The following TCF7L1 variants were observed in gnomAD, a reference collection of about 807,000 sequenced individuals.
TCF7L1 encodes transcription factor 7-like 1.
A neutral mutation model predicts 63.7 loss-of-function variants in TCF7L1; 18 were observed. The observed-to-expected ratio is 0.28, with a 90% CI of 0.20 to 0.42. The LOEUF (loss-of-function observed/expected upper bound fraction) is 0.42. TCF7L1 is among the 10% of genes least tolerant of loss of function. TCF7L1 has a pLI of 1.00. For synonymous variants in TCF7L1, 355 were observed against 340.9 expected (o/e 1.04, Z -0.46); for missense variants, 654 against 779.3 (o/e 0.84, Z 1.91).
At chr2:85,251,214 A>G (rs866808894) in intron 3 of TCF7L1, among the ~76,000 whole-genome samples, 61 of 152,342 alleles carry the variant, frequency 4.0e-4, no homozygotes, top group African/African-American at 1.4e-3. Flanking sequence ...AAATTAACCA[A>G]TTTATCTTGC....
chr2:85,189,056 A>G (rs1678991608), intron 3 of TCF7L1, among the ~76,000 whole-genome samples: 1 of 152,208 alleles, frequency 6.6e-6, no homozygotes, highest in Non-Finnish European at 1.5e-5. Context: ...CCTGACTGTG[A>G]ACTTAAAATA....
intron 3 of TCF7L1, among the ~76,000 whole-genome samples, chr2:85,164,642 C>T (rs1678373765): frequency 6.6e-6 from 1 of 152,176 alleles, no homozygotes; most frequent in Non-Finnish European, 1.5e-5. Context: ...AAAGAAATTA[C>T]ATTTTATTTT....
chr2:85,247,788 A>G (rs1325127184), intron 3 of TCF7L1, among the ~76,000 whole-genome samples: 1 of 152,176 alleles, frequency 6.6e-6, no homozygotes, highest in East Asian at 1.9e-4. Flanking sequence ...CTCTGCCTGC[A>G]TACTTATATA....
intron 3 of TCF7L1, among the ~76,000 whole-genome samples, chr2:85,168,998 C>T (rs1574088363): frequency 6.6e-6 from 1 of 152,146 alleles, no homozygotes; most frequent in East Asian, 1.9e-4. Context: ...AATCTGAGAA[C>T]CTCCTGCCTC....
rs554424149 is a variant in TCF7L1 at position 85,241,086 on chromosome 2, A to G, written c.442-42409A>G. Reference sequence around the variant, plus strand: ...TTAGATTCTGCAAAATCAGGAAATCAGAAAGTACAAGTTCTCAGAGTTAGT... The same window carrying G: ...TTAGATTCTGCAAAATCAGGAAATCGGAAAGTACAAGTTCTCAGAGTTAGT... On this transcript the variant is annotated intron_variant, in intron 3 of 11. Coordinates refer to ENST00000282111, the MANE Select transcript of TCF7L1 (RefSeq NM_031283.3). Among the ~76,000 whole-genome samples, 4 of 152,358 alleles carry G rather than the reference A, an allele frequency of 2.6e-5. No individual in the cohort carries two copies. The South Asian group carries it at 8.3e-4, about 32-fold the overall frequency.
intron 4 of TCF7L1, among the ~76,000 whole-genome samples, chr2:85,284,589 C>A (rs1681498625): frequency 6.6e-6 from 1 of 152,124 alleles, no homozygotes; most frequent in Non-Finnish European, 1.5e-5. Context: ...GTGCTTGGGT[C>A]AACACTTGCC....
rs564472029 is a variant in TCF7L1 at position 85,279,729 on chromosome 2, C to A, written c.442-3766C>A. Among the ~76,000 whole-genome samples, 9 of 152,316 alleles carry A rather than the reference C, an allele frequency of 5.9e-5. No homozygotes were observed. In the East Asian group the frequency reaches 1.7e-3, roughly 29 times the overall value. ...AAAGGGAAAGTCACGATCCTCCACA[C>A]TCCTGCCTCCCAGAGTGAGTCCCTC... On this transcript the variant is annotated intron_variant, in intron 3 of 11. Transcript: ENST00000282111.
chr2:85,257,440 C>A (rs1056294382), intron 3 of TCF7L1, among the ~76,000 whole-genome samples: 1 of 152,214 alleles, frequency 6.6e-6, no homozygotes, highest in Non-Finnish European at 1.5e-5. Flanking sequence ...GCTCCCACAC[C>A]GCTGTTTGGA....
intron 8 of TCF7L1, among the ~76,000 whole-genome samples, chr2:85,305,999 A>G (rs545933217): frequency 1.3e-5 from 2 of 152,278 alleles, no homozygotes; most frequent in Middle Eastern, 3.4e-3. Flanking sequence ...TAGATTTTCA[A>G]AGAATCTGGC....
intron 4 of TCF7L1, among the ~76,000 whole-genome samples, chr2:85,289,778 T>C (rs1382619341): frequency 6.6e-6 from 1 of 151,620 alleles, no homozygotes; most frequent in African/African-American, 2.4e-5. Flanking sequence ...TTCAAGAGAT[T>C]CTCCTGCCTC....
chr2:85,231,683 G>A (rs1249953027), intron 3 of TCF7L1, among the ~76,000 whole-genome samples: 1 of 152,036 alleles, frequency 6.6e-6, no homozygotes, highest in African/African-American at 2.4e-5. Flanking sequence ...TTGTAAAATC[G>A]ACTCCCCCAA....
chr2:85,139,543 T>C (rs1405110924), intron 3 of TCF7L1, among the ~76,000 whole-genome samples: 1 of 152,224 alleles, frequency 6.6e-6, no homozygotes, highest in East Asian at 1.9e-4. Context: ...AAAAATTACT[T>C]CCTGGGTGAT....
At chr2:85,174,884 T>C (rs574167293) in intron 3 of TCF7L1, among the ~76,000 whole-genome samples, 16 of 152,322 alleles carry the variant, frequency 1.1e-4, no homozygotes, top group African/African-American at 3.4e-4. Flanking sequence ...CCTTTCTTCC[T>C]CCGGACCTCA....
At position 85,144,705 on chromosome 2, in the gene TCF7L1, T is replaced by TTCTC. The variant is rs59431131; in HGVS notation, c.441+10267_441+10270dup. On this transcript the variant is annotated intron_variant, in intron 3 of 11. Coordinates refer to ENST00000282111, the MANE Select transcript of TCF7L1 (RefSeq NM_031283.3). Reference sequence around the variant, plus strand: ...TATTTGTCTTCTTTCCCATCCCCCTTTCTCTCTCTCTCTCTGTGTGTGTGT... The same window carrying TTCTC: ...TATTTGTCTTCTTTCCCATCCCCCTTTCTCTCTCTCTCTCTCTCTGTGTGTGTGT... Among the ~76,000 whole-genome samples the TTCTC allele has an allele frequency of 7.5e-3, 1,089 of 146,094 alleles. 5 individuals carry two copies. Among genetic ancestry groups the TTCTC allele is most frequent in the African/African-American group, 0.017 (666 of 39,284 alleles).
intron 3 of TCF7L1, among the ~76,000 whole-genome samples, chr2:85,227,028 A>G (rs1473559967): frequency 6.6e-6 from 1 of 152,116 alleles, no homozygotes; most frequent in African/African-American, 2.4e-5. Context: ...TCACTCAGAG[A>G]GGCTTTAAGA....
intron 3 of TCF7L1, among the ~76,000 whole-genome samples, chr2:85,194,248 T>G (rs2104269023): frequency 6.6e-6 from 1 of 152,066 alleles, no homozygotes; most frequent in South Asian, 2.1e-4. Context: ...ATTACAGAAT[T>G]CAGGAGTGGT....
rs545165255 is a variant in TCF7L1 at position 85,245,682 on chromosome 2, G to T, written c.442-37813G>T. 3.9e-5 allele frequency among the ~76,000 whole-genome samples: 6 copies of T among 152,238 alleles called. No individual in the cohort carries two copies. In the East Asian group the frequency reaches 1.2e-3, roughly 29 times the overall value. ...TACAAAAAATGAGCTGGGCATGGTG[G>T]TGGGCGCTTGTAGTCCCAGCTACTC... On this transcript the variant is annotated intron_variant, in intron 3 of 11. Transcript: ENST00000282111.
chr2:85,183,192 G>C (rs190785181), intron 3 of TCF7L1, among the ~76,000 whole-genome samples: 7 of 152,268 alleles, frequency 4.6e-5, no homozygotes, highest in Middle Eastern at 3.4e-3. Flanking sequence ...TGAAATACTA[G>C]ATATCAAAAT....
intron 3 of TCF7L1, among the ~76,000 whole-genome samples, chr2:85,142,168 T>C (rs1203873515): frequency 1.3e-5 from 2 of 152,154 alleles, no homozygotes; most frequent in Non-Finnish European, 2.9e-5. Flanking sequence ...GGCTCATGCC[T>C]GTAATCCCAA....
Sources: allele counts gnomAD v4.1 joint callset (sites outside exome capture counted in the v4.1 genomes callset), GRCh38; gene constraint gnomAD v4.1.1; transcripts MANE v1.5; gene names NCBI Gene and HGNC (gene_info 2026-07-23, HGNC 2026-07-21).